PASD1: variants seen among roughly 807,000 people sequenced by gnomAD.
The protein encoded by PASD1 is PAS domain containing repressor 1.
Under a neutral mutation model 58.8 loss-of-function variants are expected in PASD1, and 13 were observed. The ratio of observed to expected loss-of-function variants is 0.22; its 90% confidence interval spans 0.14 to 0.35. The LOEUF is 0.35. PASD1 is among the 10% of genes least tolerant of loss of function. PASD1 has a pLI of 1.00. For missense variants in PASD1, 734 were observed against 568.3 expected (o/e 1.29, Z -2.96); for synonymous variants, 236 against 216.7 (o/e 1.09, Z -0.78).
At chrX:151,666,146 A>G (rs1370003524) in intron 11 of PASD1, among the ~76,000 whole-genome samples, 1 of 109,779 alleles carries the variant, frequency 9.1e-6, no homozygotes, top group Non-Finnish European at 1.9e-5. Context: ...TTGGTTTCTG[A>G]AAGTTGCAAG....
At chrX:151,577,738 G>T (rs2013030271) in intron 1 of PASD1, among the ~76,000 whole-genome samples, 1 of 111,273 alleles carries the variant, frequency 9.0e-6, no homozygotes, top group South Asian at 3.9e-4. Context: ...GTGTTAGCCA[G>T]GATGGTCTCG....
intron 1 of PASD1, among the ~76,000 whole-genome samples, chrX:151,587,963 G>A: frequency 8.9e-6 from 1 of 111,820 alleles, no homozygotes; most frequent in Non-Finnish European, 1.9e-5. Context: ...CACTGACTTG[G>A]TTGATATGTT....
chrX:151,620,070 C>T (rs2013685459), intron 4 of PASD1, among the ~76,000 whole-genome samples: 1 of 111,489 alleles, frequency 9.0e-6, no homozygotes, highest in Non-Finnish European at 1.9e-5. Context: ...TTTTGTTTTC[C>T]TGATTATTTT....
chrX:151,640,172 C>A (rs186520878), intron 8 of PASD1, among the ~76,000 whole-genome samples: 3 of 111,226 alleles, frequency 2.7e-5, no homozygotes, highest in Admixed American at 1.9e-4. Context: ...TTTGGCAAAA[C>A]CTTAGCATGA....
intron 11 of PASD1, among the ~76,000 whole-genome samples, chrX:151,666,691 A>T (rs986486903): frequency 2.2e-5 from 2 of 92,933 alleles, no homozygotes; most frequent in East Asian, 6.8e-4. Context: ...AGCTTCATCC[A>T]TGTCCCTACA....
chrX:151,618,399 A>G (rs1602934817), intron 4 of PASD1, among the ~76,000 whole-genome samples: 1 of 112,491 alleles, frequency 8.9e-6, no homozygotes, highest in South Asian at 3.7e-4. Flanking sequence ...CTTTGTTGCT[A>G]TCACATTAAA....
chrX:151,589,650 A>G (rs998782617), intron 1 of PASD1, among the ~76,000 whole-genome samples: 1 of 111,831 alleles, frequency 8.9e-6, no homozygotes, highest in Non-Finnish European at 1.9e-5. Context: ...AAGGTCACAC[A>G]TCTACAAACA....
rs201548391 is a variant in PASD1 at position 151,676,064 on chromosome X, A to G, written c.2243A>G (p.Tyr748Cys). Reference protein sequence around the residue: ...DPQAFQGPAAYQPDQMRSAEQ... With the variant: ...DPQAFQGPAACQPDQMRSAEQ... Reference sequence around the variant, plus strand: ...CAGGCTTTCCAAGGCCCTGCTGCATACCAGCCAGACCAGATGAGATCTGCG... The same window carrying G: ...CAGGCTTTCCAAGGCCCTGCTGCATGCCAGCCAGACCAGATGAGATCTGCG... The change falls in exon 16 of 16, where the codon TAC becomes TGC. Residue 748 changes from tyrosine (Y) to cysteine (C), a missense_variant. Transcript: ENST00000370357. The G allele has an allele frequency of 2.7e-5, 33 of 1,209,308 alleles. No individual in the cohort carries two copies. The East Asian group carries it at 7.7e-4, about 28-fold the overall frequency.
At chrX:151,565,082 A>T (rs2012814804) in intron 1 of PASD1, among the ~76,000 whole-genome samples, 1 of 112,145 alleles carries the variant, frequency 8.9e-6, no homozygotes, top group Non-Finnish European at 1.9e-5. Flanking sequence ...CAGGAACAGA[A>T]TCAGGCATCC....
At position 151,664,203 on chromosome X, in the gene PASD1, A is replaced by T; in HGVS notation, c.926A>T (p.Asp309Val). 1.7e-6 allele frequency: 2 copies of T among 1,208,753 alleles called. No homozygotes were observed. Among genetic ancestry groups the T allele is most frequent in the Non-Finnish European group, 2.2e-6 (2 of 894,355 alleles). The change falls in exon 11 of 16, where the codon GAT (aspartate) becomes GTT (valine). Residue 309 changes from aspartate (D) to valine (V), a missense_variant. Physicochemically the swap from Asp to Val is radical, Grantham distance 152. Transcript: ENST00000370357. The part of the protein sequence containing the change: ...ADPVDLEFSV[D>V]QVDSVDQEGP... Reference sequence around the variant, plus strand: ...CCAGTGGACCTGGAGTTCTCGGTGGATCAGGTGGACTCAGTGGACCAGGAG... The same window carrying T: ...CCAGTGGACCTGGAGTTCTCGGTGGTTCAGGTGGACTCAGTGGACCAGGAG...
intron 1 of PASD1, among the ~76,000 whole-genome samples, chrX:151,571,630 T>C (rs777780426): frequency 8.9e-6 from 1 of 112,579 alleles, no homozygotes; most frequent in East Asian, 2.8e-4. Context: ...AAATTGACAA[T>C]TCTTGTCAAA....
intron 1 of PASD1, among the ~76,000 whole-genome samples, chrX:151,596,816 T>C (rs1470817641): frequency 8.9e-6 from 1 of 111,895 alleles, no homozygotes; most frequent in African/African-American, 3.2e-5. Context: ...TTTGTATGTT[T>C]CTGGTTGACA....
At position 151,668,916 on chromosome X, in the gene PASD1, A is replaced by ATTTT. The variant is rs5904327; in HGVS notation, c.1072-2112_1072-2109dup. On this transcript the variant is annotated intron_variant, in intron 11 of 15. Transcript: ENST00000370357. Reference sequence around the variant, plus strand: ...CAGAGACACAACAAAAAAAAAAGAGATTTTTTTTTTTTTCAGAGATGGGGT... The same window carrying ATTTT: ...CAGAGACACAACAAAAAAAAAAGAGATTTTTTTTTTTTTTTTTCAGAGATGGGGT... Among the ~76,000 whole-genome samples the ATTTT allele has an allele frequency of 7.9e-4, 74 of 93,259 alleles. 1 individual carries two copies. Among genetic ancestry groups the ATTTT allele is most frequent in the Non-Finnish European group, 4.6e-4 (22 of 47,653 alleles). The allele number at this position is 93,259 out of a possible 115,157, so 81.0% of individuals were successfully genotyped here.
chrX:151,629,540 T>G (rs887212719), intron 8 of PASD1, among the ~76,000 whole-genome samples: 8 of 112,256 alleles, frequency 7.1e-5, no homozygotes, highest in Non-Finnish European at 1.5e-4. Flanking sequence ...GCTCCCAGCT[T>G]TTCTTGTAGT....
chrX:151,663,369 A>G (rs1217290360), intron 10 of PASD1, among the ~76,000 whole-genome samples: 2 of 112,435 alleles, frequency 1.8e-5, no homozygotes, highest in East Asian at 2.8e-4. Flanking sequence ...CCACGTTTGC[A>G]TGAATCAACG....
chrX:151,620,872 T>C lies in PASD1; in HGVS notation c.208-58T>C, dbSNP rs970303959. On this transcript the variant is annotated intron_variant, in intron 4 of 15. Coordinates refer to ENST00000370357, the MANE Select transcript of PASD1 (RefSeq NM_173493.3). ...CAGTATTAACACAGATAAAAAAGTT[T>C]ACTCTCTCCCTCTTCCCCTCCTTTT... 10 of 902,544 alleles carry C rather than the reference T, an allele frequency of 1.1e-5. No individual in the cohort carries two copies. In the African/African-American group the frequency reaches 1.8e-4, roughly 16 times the overall value. The allele number at this position is 902,544 out of a possible 1,213,427, so 74.4% of individuals were successfully genotyped here.
chrX:151,594,697 A>T (rs1396090023), intron 1 of PASD1, among the ~76,000 whole-genome samples: 1 of 112,378 alleles, frequency 8.9e-6, no homozygotes, highest in Non-Finnish European at 1.9e-5. Flanking sequence ...AAGAAGATAA[A>T]CATTCTTTTA....
At chrX:151,623,282 A>C (rs1270875528) in intron 7 of PASD1, among the ~76,000 whole-genome samples, 2 of 112,226 alleles carry the variant, frequency 1.8e-5, no homozygotes, top group Admixed American at 1.9e-4. Flanking sequence ...AGAGATGCAC[A>C]ATCATTTACA....
Position 151,622,943 on chromosome X carries a change from C to T in PASD1, c.425C>T (p.Pro142Leu). 8.3e-7 allele frequency: 1 copy of T among 1,207,856 alleles called. No individual in the cohort carries two copies. Among genetic ancestry groups the T allele is most frequent in the African/African-American group, 1.7e-5 (1 of 57,668 alleles). ...GTGTGTCTATCTTCCTTAGAGTTTC[C>T]TGTGGTCTTTAGTGGCTTGTTTTCC... ...VNVRDICNEF[P>L]VVFSGLFSSH... The change falls in exon 7 of 16, where the codon CCT becomes CTT. Residue 142 changes from proline to leucine, a missense_variant. Transcript: ENST00000370357.
Sources: gnomAD v4.1 joint callset for allele counts (sites outside exome capture counted in the v4.1 genomes callset) on GRCh38, gnomAD v4.1.1 for gene constraint, MANE v1.5 for transcripts, NCBI Gene and HGNC (gene_info 2026-07-23, HGNC 2026-07-21) for gene names.